Variants in DNAJC27 observed in about 807,000 individuals in gnomAD.
The protein encoded by DNAJC27 is dnaJ homolog subfamily C member 27.
In DNAJC27, 25 loss-of-function variants were observed where a neutral mutation model predicts 31.4. That is an observed-to-expected ratio of 0.80 (90% CI 0.58 to 1.11). The LOEUF (loss-of-function observed/expected upper bound fraction) is 1.11, where lower values mean the gene tolerates loss of function less well. Ranked by LOEUF, DNAJC27 falls within the 50% of genes most tolerant of loss-of-function variation. DNAJC27 has a pLI of 0.00. For synonymous variants in DNAJC27, 106 were observed against 112.7 expected (o/e 0.94, Z 0.37); for missense variants, 356 against 347.3 (o/e 1.02, Z -0.20).
intron 2 of DNAJC27, among the ~76,000 whole-genome samples, chr2:24,965,066 C>T (rs1190104459): frequency 6.6e-6 from 1 of 151,414 alleles, no homozygotes; most frequent in Non-Finnish European, 1.5e-5. Flanking sequence ...ATTAGCTGGG[C>T]GTGGTGACAT....
At chr2:24,949,846 A>G (rs1031742771) in intron 6 of DNAJC27, among the ~76,000 whole-genome samples, 1 of 152,146 alleles carries the variant, frequency 6.6e-6, no homozygotes, top group Non-Finnish European at 1.5e-5. Flanking sequence ...ATGACACAGA[A>G]GAATTCAGAA....
Position 24,945,108 on chromosome 2 carries a change from G to A in DNAJC27, c.*2508C>T, listed in dbSNP as rs1274069549. On this transcript the variant is annotated 3_prime_UTR_variant, in exon 7 of 7. Coordinates refer to ENST00000264711, the MANE Select transcript of DNAJC27 (RefSeq NM_016544.3). ...AATTTAAATTAATGCATAGATGTCTGTGAAATTCTGCATGAAGTTAGTGCC... is the reference window on the plus strand; with the variant it reads ...AATTTAAATTAATGCATAGATGTCTATGAAATTCTGCATGAAGTTAGTGCC... 6.6e-6 allele frequency: 1 copy of A among 151,774 alleles called. No individual in the cohort carries two copies. The highest frequency in any genetic ancestry group is 1.5e-5 in the Non-Finnish European group (1 of 68,024). 9.4% of individuals were successfully genotyped at this position (151,774 alleles called of 1,614,324 possible). A position where few individuals can be genotyped will look rare whatever the true frequency, so the allele number is the denominator to read the frequency against.
intron 6 of DNAJC27, among the ~76,000 whole-genome samples, chr2:24,949,249 G>T (rs1200290096): frequency 1.3e-5 from 2 of 152,124 alleles, no homozygotes; most frequent in Admixed American, 1.3e-4. Flanking sequence ...AATTTGAATT[G>T]TAAGAATTCT....
Position 24,947,644 on chromosome 2 carries a change from C to T in DNAJC27, c.794G>A (p.Arg265Gln), listed in dbSNP as rs746918288. ...EDAFKAVVNA[R>Q]TALLKNIK ...CTTGATGTTTTTCAGGAGGGCTGTC[C>T]GAGCATTCACAACTGCTTTGAAGGC... Residue 265 changes from arginine (R) to glutamine (Q), a missense_variant, in exon 7 of 7, where the codon CGG becomes CAG. Coordinates refer to ENST00000264711, the MANE Select transcript of DNAJC27 (RefSeq NM_016544.3). 6.2e-6 allele frequency: 10 copies of T among 1,607,798 alleles called. No individual in the cohort carries two copies. The highest frequency in any genetic ancestry group is 8.5e-6 in the Non-Finnish European group (10 of 1,175,270).
Position 24,951,689 on chromosome 2 carries a change from G to A in DNAJC27, c.529-135C>T, listed in dbSNP as rs76074178. On this transcript the variant is annotated intron_variant, in intron 5 of 6. Coordinates refer to ENST00000264711, the MANE Select transcript of DNAJC27 (RefSeq NM_016544.3). ...CATGTATAAAGCAAATACACACTTT[G>A]GAAGATTTTTTTCTTTTATACTATT... The A allele has an allele frequency of 5.3e-3, 2,723 of 510,886 alleles. 12 individuals carry two copies. The highest frequency in any genetic ancestry group is 7.3e-3 in the Non-Finnish European group (2,378 of 325,298). The allele number at this position is 510,886 out of a possible 1,614,324, so 31.6% of individuals were successfully genotyped here. A position where few individuals can be genotyped will look rare whatever the true frequency, so the allele number is the denominator to read the frequency against.
chr2:24,957,107 C>G lies in DNAJC27; in HGVS notation c.464G>C (p.Ser155Thr). 6.2e-7 allele frequency: 1 copy of G among 1,610,332 alleles called. No homozygotes were observed. Among genetic ancestry groups the G allele is most frequent in the South Asian group, 1.1e-5 (1 of 90,444 alleles). The change falls in exon 5 of 7, where the codon AGC becomes ACC. Residue 155 changes from serine to threonine, a missense_variant. Ser to Thr is a moderately conservative substitution (Grantham distance 58). Coordinates refer to ENST00000264711, the MANE Select transcript of DNAJC27 (RefSeq NM_016544.3). ...DESEGRLWAESKGFLYFETSA... is the reference protein window; with the variant it reads ...DESEGRLWAETKGFLYFETSA... Reference sequence around the variant, plus strand: ...AGTTTCAAAGTACAGGAACCCTTTGCTTTCAGCCCAAAGACGTCCTTCACT... The same window carrying G: ...AGTTTCAAAGTACAGGAACCCTTTGGTTTCAGCCCAAAGACGTCCTTCACT...
rs143058241 is a variant in DNAJC27, at chr2:24,962,543, A to G, written c.240+862T>C. ...AGTGCTGGGATTACAGACGTGAGCT[A>G]CTGCTCCCGGCCTGAATAACACACT... On this transcript the variant is annotated intron_variant, in intron 3 of 6. Transcript: ENST00000264711. 2.9e-3 allele frequency among the ~76,000 whole-genome samples: 444 copies of G among 152,304 alleles called. 2 individuals are homozygous for G. Among genetic ancestry groups the G allele is most frequent in the African/African-American group, 0.01 (420 of 41,552 alleles).
At chr2:24,971,683 CCTCGGCTGAGACCCGGGCCTG>C in intron 1 of DNAJC27, 114 bp downstream of exon 1, 1 of 677,562 alleles carries the variant, frequency 1.5e-6, no homozygotes, top group Non-Finnish European at 2.4e-6. Context: ...GAGCCGCACC[CCTCGGCTGAGACCCGGGCCTG>C]CTCGGGGGCG....
Position 24,963,479 on chromosome 2 carries a change from A to C in DNAJC27, c.171-5T>G. On this transcript the variant is annotated splice_polypyrimidine_tract_variant and splice_region_variant and intron_variant, in intron 2 of 6. Transcript: ENST00000264711. ...TCTCTGTCTCTGACGTGTACCCTGA[A>C]ATGTTCAAATGGAAACAATCCGAAA... is the stretch of plus-strand genomic sequence containing the variant. 1 of 1,610,064 alleles carries C rather than the reference A, an allele frequency of 6.2e-7. No individual in the cohort carries two copies. Among genetic ancestry groups the C allele is most frequent in the Non-Finnish European group, 8.5e-7 (1 of 1,177,058 alleles).
chr2:24,952,999 T>G (rs926139604), intron 5 of DNAJC27, among the ~76,000 whole-genome samples: 2 of 152,068 alleles, frequency 1.3e-5, no homozygotes, highest in Non-Finnish European at 2.9e-5. Context: ...AGTGATCCTG[T>G]CTCAGCCTCC....
At chr2:24,970,297 G>C (rs1027108490) in intron 1 of DNAJC27, among the ~76,000 whole-genome samples, 2 of 151,878 alleles carry the variant, frequency 1.3e-5, no homozygotes, top group African/African-American at 4.8e-5. Flanking sequence ...CGTATTATTA[G>C]CAAATAATGT....
At chr2:24,962,842 C>A (rs1368359157) in intron 3 of DNAJC27, among the ~76,000 whole-genome samples, 1 of 151,888 alleles carries the variant, frequency 6.6e-6, no homozygotes, top group African/African-American at 2.4e-5. Flanking sequence ...AGAAGTGAAA[C>A]GGCCAAACCA....
intron 5 of DNAJC27, among the ~76,000 whole-genome samples, chr2:24,956,457 G>A (rs1223469012): frequency 1.3e-5 from 2 of 152,004 alleles, no homozygotes; most frequent in Non-Finnish European, 2.9e-5. Flanking sequence ...TGATTGGCGA[G>A]GCCTTATTTT....
chr2:24,954,704 G>A (rs188307555), intron 5 of DNAJC27, among the ~76,000 whole-genome samples: 464 of 152,336 alleles, frequency 3.0e-3, no homozygotes, highest in African/African-American at 0.011. Flanking sequence ...GTGGGAGGCC[G>A]AGGCGGGCGG....
chr2:24,955,730 C>T (rs1330269299), intron 5 of DNAJC27, among the ~76,000 whole-genome samples: 3 of 152,200 alleles, frequency 2.0e-5, no homozygotes, highest in African/African-American at 7.2e-5. Flanking sequence ...AGAATGAGTG[C>T]TAACATCTCA....
At chr2:24,957,429 T>C (rs1407052239) in intron 4 of DNAJC27, among the ~76,000 whole-genome samples, 3 of 152,198 alleles carry the variant, frequency 2.0e-5, no homozygotes, top group African/African-American at 7.2e-5. Context: ...TACTCAGTTC[T>C]GTGAAAGTTG....
At chr2:24,948,248 T>A (rs924704955) in intron 6 of DNAJC27, among the ~76,000 whole-genome samples, 5 of 152,094 alleles carry the variant, frequency 3.3e-5, no homozygotes, top group African/African-American at 1.2e-4. Context: ...ATGACAAGTG[T>A]GTGCTGGGAA....
At chr2:24,961,620 T>G (rs1399311062) in intron 3 of DNAJC27, among the ~76,000 whole-genome samples, 1 of 152,006 alleles carries the variant, frequency 6.6e-6, no homozygotes, top group Non-Finnish European at 1.5e-5. Context: ...AACAAGAGTT[T>G]GGAAGTTGAT....
chr2:24,969,188 A>T (rs1666263203), intron 1 of DNAJC27: 2 of 216,222 alleles, frequency 9.2e-6, no homozygotes, highest in Non-Finnish European at 2.0e-5. Flanking sequence ...TGCCTGTCAC[A>T]AAACGTACTT....
Sources: gnomAD v4.1 joint callset for allele counts (sites outside exome capture counted in the v4.1 genomes callset) on GRCh38, gnomAD v4.1.1 for gene constraint, MANE v1.5 for transcripts, NCBI Gene and HGNC (gene_info 2026-07-23, HGNC 2026-07-21) for gene names.